Variants in GRID2 observed in about 807,000 individuals in gnomAD.
GRID2 encodes glutamate ionotropic receptor delta type subunit 2.
A neutral mutation model predicts 114.8 loss-of-function variants in GRID2; 33 were observed. That is an observed-to-expected ratio of 0.29 (90% CI 0.22 to 0.38). GRID2 has a LOEUF of 0.38. Among genes scored for constraint, GRID2 ranks in the 10% least tolerant of loss-of-function variants. The probability of loss-of-function intolerance (pLI) is 1.00; values close to 1 mark genes in which losing one functional copy is unlikely to be tolerated. For synonymous variants in GRID2, 505 were observed against 449.9 expected (o/e 1.12, Z -1.55); for missense variants, 1,184 against 1,257.7 (o/e 0.94, Z 0.89).
intron 1 of GRID2, among the ~76,000 whole-genome samples, chr4:92,587,098 C>CTGTGTGTGTGTGTGTG (rs70942914): frequency 3.4e-4 from 45 of 133,844 alleles, no homozygotes; most frequent in African/African-American, 1.2e-3. Context: ...TGATGAAATG[C>CTGTGTGTGTGTGTGTG]TGTGTGTGTG....
intron 8 of GRID2, among the ~76,000 whole-genome samples, chr4:93,373,584 GT>G (rs1166845906): frequency 6.6e-6 from 1 of 152,020 alleles, no homozygotes; most frequent in Non-Finnish European, 1.5e-5. Flanking sequence ...TATCATGTTT[GT>G]TTTCCTGGAA....
At chr4:92,836,124 A>T (rs1405135274) in intron 2 of GRID2, among the ~76,000 whole-genome samples, 4 of 152,106 alleles carry the variant, frequency 2.6e-5, no homozygotes, top group African/African-American at 9.7e-5. Context: ...TTTTTGTATC[A>T]TCTATAGCTG....
intron 4 of GRID2, among the ~76,000 whole-genome samples, chr4:93,190,565 C>T (rs1392634850): frequency 6.6e-6 from 1 of 152,100 alleles, no homozygotes. Flanking sequence ...ATGTCCTTTT[C>T]TTGGCTCTCA....
rs17020095 is a variant in GRID2 at position 93,023,666 on chromosome 4, A to G, written c.245-61329A>G. On this transcript the variant is annotated intron_variant, in intron 2 of 15. Coordinates refer to ENST00000282020, the MANE Select transcript of GRID2 (RefSeq NM_001510.4). Reference sequence around the variant, plus strand: ...TGCCTTGAGGACAGGGCTAAGACATATATATCACATATAACCTCAAATATC... The same window carrying G: ...TGCCTTGAGGACAGGGCTAAGACATGTATATCACATATAACCTCAAATATC... Among the ~76,000 whole-genome samples the G allele has an allele frequency of 4.7e-3, 718 of 152,050 alleles. 7 individuals are homozygous for G. Among genetic ancestry groups the G allele is most frequent in the African/African-American group, 0.016 (679 of 41,548 alleles).
chr4:93,458,264 T>C (rs1723392268), intron 11 of GRID2, among the ~76,000 whole-genome samples: 1 of 152,216 alleles, frequency 6.6e-6, no homozygotes, highest in African/African-American at 2.4e-5. Flanking sequence ...TTTTGTTGGA[T>C]TTAACAATAA....
At chr4:93,025,903 A>G (rs567822128) in intron 2 of GRID2, among the ~76,000 whole-genome samples, 5 of 151,746 alleles carry the variant, frequency 3.3e-5, no homozygotes, top group Admixed American at 6.6e-5. Context: ...ATGATTTTGA[A>G]TTTTAGAAAT....
chr4:92,784,803 T>G (rs1255863618), intron 2 of GRID2, among the ~76,000 whole-genome samples: 1 of 151,898 alleles, frequency 6.6e-6, no homozygotes, highest in Non-Finnish European at 1.5e-5. Flanking sequence ...ATGATCCATG[T>G]GAAAGTAATT....
intron 8 of GRID2, among the ~76,000 whole-genome samples, chr4:93,347,361 A>G (rs1037059115): frequency 6.6e-6 from 1 of 152,142 alleles, no homozygotes; most frequent in Admixed American, 6.6e-5. Flanking sequence ...TTTAATTTGT[A>G]AGTACATCAA....
chr4:92,448,839 A>C (rs1579383458), intron 1 of GRID2, among the ~76,000 whole-genome samples: 2 of 152,120 alleles, frequency 1.3e-5, no homozygotes, highest in African/African-American at 4.8e-5. Flanking sequence ...GTTTTAAAGG[A>C]ACTAATACAT....
At chr4:92,884,930 C>A (rs1465669722) in intron 2 of GRID2, 1 of 336,960 alleles carries the variant, frequency 3.0e-6, no homozygotes. Context: ...GACATTTGGT[C>A]TCCCCAAAAA....
intron 2 of GRID2, among the ~76,000 whole-genome samples, chr4:92,628,363 G>GTTTTGTTTTGTTTTGTTTTGTT (rs1560498120): frequency 1.3e-5 from 2 of 151,932 alleles, no homozygotes; most frequent in African/African-American, 4.8e-5. Flanking sequence ...TTTGTTTTGT[G>GTTTTGTTTTGTTTTGTTTTGTT]TTGTTTTGTT....
intron 2 of GRID2, among the ~76,000 whole-genome samples, chr4:92,888,667 CATATT>C (rs1392239307): frequency 6.6e-6 from 1 of 151,938 alleles, no homozygotes; most frequent in Non-Finnish European, 1.5e-5. Context: ...ATATATTTAA[CATATT>C]AGAAATAACT....
chr4:92,769,774 C>T (rs1345593524), intron 2 of GRID2, among the ~76,000 whole-genome samples: 4 of 152,094 alleles, frequency 2.6e-5, no homozygotes, highest in Non-Finnish European at 5.9e-5. Flanking sequence ...GGATACAGGG[C>T]ACCAAGCCCC....
At chr4:93,582,670 C>T (rs1192699077) in intron 13 of GRID2, among the ~76,000 whole-genome samples, 1 of 151,742 alleles carries the variant, frequency 6.6e-6, no homozygotes, top group Non-Finnish European at 1.5e-5. Flanking sequence ...TCTCATATTC[C>T]AGTTTAATAA....
chr4:92,919,783 A>G lies in GRID2; in HGVS notation c.245-165212A>G, dbSNP rs528895322. Among the ~76,000 whole-genome samples the G allele has an allele frequency of 7.2e-5, 11 of 152,260 alleles. No individual in the cohort carries two copies. The South Asian group carries it at 8.3e-4, about 11-fold the overall frequency. ...TGCTTTACTTCCAAGTATGTGGTCA[A>G]TTTTGGAATAGGTGTGGTGTGGTGC... On this transcript the variant is annotated intron_variant, in intron 2 of 15. Transcript: ENST00000282020.
intron 2 of GRID2, among the ~76,000 whole-genome samples, chr4:92,619,449 A>G (rs1310412229): frequency 6.6e-6 from 1 of 151,618 alleles, no homozygotes; most frequent in Non-Finnish European, 1.5e-5. Flanking sequence ...AAAATTTCTG[A>G]CTAGTATTCT....
At chr4:93,564,615 C>T (rs1176945787) in intron 13 of GRID2, among the ~76,000 whole-genome samples, 1 of 151,974 alleles carries the variant, frequency 6.6e-6, no homozygotes, top group African/African-American at 2.4e-5. Context: ...AATGAGTGTA[C>T]ATTTTGGGGC....
intron 11 of GRID2, among the ~76,000 whole-genome samples, chr4:93,463,063 T>A (rs1471657975): frequency 6.6e-6 from 1 of 152,194 alleles, no homozygotes; most frequent in African/African-American, 2.4e-5. Context: ...TTAATTATGA[T>A]TGGCAGTCCT....
At chr4:93,612,216 A>T (rs1196568601) in intron 13 of GRID2, among the ~76,000 whole-genome samples, 2 of 148,988 alleles carry the variant, frequency 1.3e-5, no homozygotes, top group South Asian at 4.3e-4. Context: ...TCTGCACGTG[A>T]GATGGGTTTC....
Sources: gnomAD v4.1 joint callset for allele counts (sites outside exome capture counted in the v4.1 genomes callset) on GRCh38, gnomAD v4.1.1 for gene constraint, MANE v1.5 for transcripts, NCBI Gene and HGNC (gene_info 2026-07-23, HGNC 2026-07-21) for gene names.